PPARG: variants seen among roughly 807,000 people sequenced by gnomAD.
PPARG encodes the protein peroxisome proliferator activated receptor gamma, also known as peroxisome proliferator-activated receptor gamma.
In PPARG, 17 loss-of-function variants were observed where a neutral mutation model predicts 39.2. That is an observed-to-expected ratio of 0.43 (90% confidence interval 0.30 to 0.65). The LOEUF (loss-of-function observed/expected upper bound fraction) is 0.65, where lower values mean the gene tolerates loss of function less well. PPARG is among the 30% of genes least tolerant of loss of function. PPARG has a pLI of 0.13. For synonymous variants in PPARG, 223 were observed against 215.7 expected (o/e 1.03, Z -0.30); for missense variants, 406 against 585.9 (o/e 0.69, Z 3.17).
intron 2 of PPARG, among the ~76,000 whole-genome samples, chr3:12,365,427 T>C (rs1386586349): frequency 6.6e-6 from 1 of 152,174 alleles, no homozygotes; most frequent in Non-Finnish European, 1.5e-5. Flanking sequence ...ATGTCTCTGG[T>C]GGTGTATCTA....
chr3:12,348,012 A>G (rs1167381990), intron 2 of PPARG, among the ~76,000 whole-genome samples: 4 of 152,258 alleles, frequency 2.6e-5, no homozygotes, highest in Admixed American at 1.3e-4. Context: ...CAATACTAAC[A>G]TAGCTTATTT....
chr3:12,335,849 A>C (rs946122987), intron 2 of PPARG, among the ~76,000 whole-genome samples: 2 of 152,102 alleles, frequency 1.3e-5, no homozygotes, highest in Non-Finnish European at 2.9e-5. Context: ...AAAAAAAAAA[A>C]CAAGAATGGC....
At chr3:12,379,613 A>G (rs1315404611) in intron 2 of PPARG, 91 bp from the exon 3 acceptor site, 1 of 1,251,322 alleles carries the variant, frequency 8.0e-7, no homozygotes, top group Middle Eastern at 1.9e-4. Context: ...TTACTTTGCC[A>G]AAGACTCTTT....
rs191055305 is a variant in PPARG at position 12,427,478 on chromosome 3, C to G, written c.1181-6420C>G. On this transcript the variant is annotated intron_variant, in intron 7 of 7. Coordinates refer to ENST00000651735, the MANE Select transcript of PPARG (RefSeq NM_138711.6). The stretch of plus-strand genomic sequence containing the variant: ...TTGATATGCCACCCACTCCTACTTA[C>G]ACTCCTGACCCCAACCCCATGGAAA... 2.0e-5 allele frequency among the ~76,000 whole-genome samples: 3 copies of G among 152,298 alleles called. No individual in the cohort carries two copies. The East Asian group carries it at 5.8e-4, about 29-fold the overall frequency.
At chr3:12,393,219 T>C (rs1292491387) in intron 5 of PPARG, among the ~76,000 whole-genome samples, 1 of 150,986 alleles carries the variant, frequency 6.6e-6, no homozygotes, top group African/African-American at 2.4e-5. Context: ...TTTTTTGCTG[T>C]TTATTATGCA....
chr3:12,370,819 T>C (rs1057296142), intron 2 of PPARG, among the ~76,000 whole-genome samples: 1 of 152,172 alleles, frequency 6.6e-6, no homozygotes, highest in Non-Finnish European at 1.5e-5. Flanking sequence ...TATAACACAG[T>C]TGGGGAAATG....
rs2125204899 is a variant in PPARG, at chr3:12,389,790, A to G, written c.391-2824A>G. ...TGCATGCCTATAATCCCAGCTACCC[A>G]GAAGGCTGAGGCCCAAGAATCGCTT... is the stretch of plus-strand genomic sequence containing the variant. On this transcript the variant is annotated intron_variant, in intron 4 of 7. Transcript: ENST00000651735. 2.6e-5 allele frequency among the ~76,000 whole-genome samples: 4 copies of G among 152,280 alleles called. No individual in the cohort carries two copies. In the South Asian group the frequency reaches 8.3e-4, roughly 32 times the overall value.
intron 1 of PPARG, among the ~76,000 whole-genome samples, chr3:12,309,636 C>G (rs1440308859): frequency 1.3e-5 from 2 of 152,178 alleles, no homozygotes; most frequent in African/African-American, 4.8e-5. Context: ...AAAAAATCAA[C>G]TATAAAACTA....
intron 5 of PPARG, among the ~76,000 whole-genome samples, chr3:12,393,710 C>T (rs1464837818): frequency 6.6e-6 from 1 of 151,984 alleles, no homozygotes; most frequent in East Asian, 1.9e-4. Context: ...TCATCTCTCT[C>T]AAAACTGATC....
intron 2 of PPARG, among the ~76,000 whole-genome samples, chr3:12,364,260 T>G (rs914369665): frequency 9.9e-5 from 15 of 152,216 alleles, no homozygotes; most frequent in African/African-American, 3.6e-4. Flanking sequence ...TTTTCCTGTT[T>G]TGATAGTTTT....
intron 7 of PPARG, 137 bp downstream of exon 7, chr3:12,417,291 C>T: frequency 1.1e-6 from 1 of 906,840 alleles, no homozygotes; most frequent in Admixed American, 2.0e-5. Context: ...ATCATCACTA[C>T]ACGTGCAAAA....
intron 1 of PPARG, among the ~76,000 whole-genome samples, chr3:12,304,795 G>A (rs1433712698): frequency 6.6e-6 from 1 of 152,158 alleles, no homozygotes; most frequent in East Asian, 1.9e-4. Flanking sequence ...AATACAGAAA[G>A]AAGCAAAGAT....
At chr3:12,376,883 T>A (rs1283070650) in intron 2 of PPARG, among the ~76,000 whole-genome samples, 3 of 152,222 alleles carry the variant, frequency 2.0e-5, no homozygotes, top group Non-Finnish European at 2.9e-5. Context: ...GATACGCCTA[T>A]GATTTGATGA....
chr3:12,409,234 C>T (rs1322896222), intron 6 of PPARG, among the ~76,000 whole-genome samples: 1 of 152,198 alleles, frequency 6.6e-6, no homozygotes, highest in Non-Finnish European at 1.5e-5. Context: ...CCAAACTGGA[C>T]ATCATTGATG....
rs761941163 is a variant in PPARG at position 12,392,733 on chromosome 3, A to G, written c.510A>G (p.Ala170=). 4.3e-6 allele frequency: 7 copies of G among 1,613,876 alleles called. No homozygotes were observed. In the South Asian group the frequency reaches 5.5e-5, roughly 13 times the overall value. The change falls in exon 5 of 8, where the codon GCA becomes GCG. Residue 170 remains alanine, a synonymous_variant. Transcript: ENST00000651735. ...CQYCRFQKCL[A]VGMSHNAIRF... ...ACTGTCGGTTTCAGAAATGCCTTGCAGTGGGGATGTCTCATAATGGTAAGT... is the reference window on the plus strand; with the variant it reads ...ACTGTCGGTTTCAGAAATGCCTTGCGGTGGGGATGTCTCATAATGGTAAGT...
At chr3:12,417,672 T>C (rs2051108660) in intron 7 of PPARG, among the ~76,000 whole-genome samples, 1 of 152,174 alleles carries the variant, frequency 6.6e-6, no homozygotes, top group South Asian at 2.1e-4. Context: ...CCACCCACTC[T>C]CTTGTGTGGA....
At chr3:12,339,129 T>C (rs911264633) in intron 2 of PPARG, among the ~76,000 whole-genome samples, 1 of 152,082 alleles carries the variant, frequency 6.6e-6, no homozygotes, top group African/African-American at 2.4e-5. Context: ...TGCTGACACA[T>C]GCCACAACCT....
chr3:12,313,768 G>A (rs1359692498), intron 2 of PPARG, among the ~76,000 whole-genome samples: 4 of 152,012 alleles, frequency 2.6e-5, no homozygotes, highest in East Asian at 1.9e-4. Flanking sequence ...AAATAACTAC[G>A]TATAATATTG....
chr3:12,315,535 G>T (rs1328046203), intron 2 of PPARG, among the ~76,000 whole-genome samples: 1 of 152,208 alleles, frequency 6.6e-6, no homozygotes, highest in Non-Finnish European at 1.5e-5. Flanking sequence ...GGTCACAATG[G>T]AGTCACTAAA....
Sources: gnomAD v4.1 joint callset for allele counts (sites outside exome capture counted in the v4.1 genomes callset) on GRCh38, gnomAD v4.1.1 for gene constraint, MANE v1.5 for transcripts, NCBI Gene and HGNC (gene_info 2026-07-23, HGNC 2026-07-21) for gene names.